Variants in DOCK7 observed in about 807,000 individuals in gnomAD.
DOCK7 encodes the protein dedicator of cytokinesis 7, also known as dedicator of cytokinesis protein 7.
A neutral mutation model predicts 271.0 loss-of-function variants in DOCK7; 138 were observed. That is an observed-to-expected ratio of 0.51 (90% CI 0.44 to 0.59). DOCK7 has a LOEUF of 0.59. Ranked by LOEUF, DOCK7 falls within the 20% of genes least tolerant of loss-of-function variation. The pLI is 0.00. For synonymous variants in DOCK7, 823 were observed against 876.1 expected (o/e 0.94, Z 1.07); for missense variants, 2,066 against 2,592.4 (o/e 0.80, Z 4.41).
intron 43 of DOCK7, 139 bp downstream of exon 43, chr1:62,487,259 A>G (rs902573369): frequency 1.3e-5 from 10 of 766,564 alleles, no homozygotes; most frequent in Non-Finnish European, 2.1e-5. Flanking sequence ...TTTTAACAAA[A>G]TTTCTTTGGT....
intron 7 of DOCK7, among the ~76,000 whole-genome samples, chr1:62,636,880 G>A (rs1655340721): frequency 6.6e-6 from 1 of 152,058 alleles, no homozygotes. Flanking sequence ...TCCATTCTGA[G>A]GCACTAATCA....
At chr1:62,629,379 AAC>A (rs1466749280) in intron 11 of DOCK7, 26 of 152,364 alleles carry the variant, frequency 1.7e-4, no homozygotes, top group African/African-American at 6.0e-4. Context: ...ATATCAATAC[AAC>A]AGACTATCAT....
chr1:62,563,247 G>C (rs1156300283), intron 18 of DOCK7, among the ~76,000 whole-genome samples: 1 of 152,116 alleles, frequency 6.6e-6, no homozygotes, highest in Non-Finnish European at 1.5e-5. Context: ...ACCTCTACCT[G>C]ACAGCAGCAC....
intron 31 of DOCK7, among the ~76,000 whole-genome samples, chr1:62,521,359 T>C (rs1644845106): frequency 6.6e-6 from 1 of 152,072 alleles, no homozygotes; most frequent in Non-Finnish European, 1.5e-5. Context: ...TGAAAATTAG[T>C]GAGTTAAGCA....
chr1:62,637,013 A>G (rs1046124312), intron 7 of DOCK7, among the ~76,000 whole-genome samples: 2 of 152,176 alleles, frequency 1.3e-5, no homozygotes, highest in Non-Finnish European at 2.9e-5. Flanking sequence ...ATCTTAGAAA[A>G]CACATGAATA....
intron 1 of DOCK7, 30 bp downstream of exon 1, chr1:62,688,197 G>A: frequency 7.3e-7 from 1 of 1,366,886 alleles, no homozygotes; most frequent in South Asian, 1.7e-5. Context: ...TCGGGCGGCG[G>A]CGGCGGCGCG....
At chr1:62,557,010 C>T (rs536100378) in intron 20 of DOCK7, among the ~76,000 whole-genome samples, 2 of 152,054 alleles carry the variant, frequency 1.3e-5, no homozygotes, top group East Asian at 1.9e-4. Context: ...TTGCCTTCTA[C>T]CTCACAGAAG....
intron 41 of DOCK7, among the ~76,000 whole-genome samples, chr1:62,490,323 T>G (rs1175509646): frequency 1.3e-5 from 2 of 152,056 alleles, no homozygotes; most frequent in African/African-American, 4.8e-5. Context: ...CCTCCCACCT[T>G]GCACAGTAAT....
chr1:62,517,225 A>C (rs1300595349), intron 31 of DOCK7, among the ~76,000 whole-genome samples: 2 of 152,160 alleles, frequency 1.3e-5, no homozygotes, highest in Non-Finnish European at 2.9e-5. Context: ...TATTACCATT[A>C]TGGCATGTTC....
chr1:62,582,065 C>T (rs970069424), intron 16 of DOCK7, among the ~76,000 whole-genome samples: 6 of 151,954 alleles, frequency 3.9e-5, no homozygotes, highest in African/African-American at 4.8e-5. Flanking sequence ...GCCATCACTC[C>T]CCTTGAAACA....
chr1:62,669,495 T>C (rs7547012), intron 1 of DOCK7, among the ~76,000 whole-genome samples: 1,923 of 152,342 alleles, frequency 0.013, 58 homozygotes, highest in African/African-American at 0.043. Context: ...TGGGGTATTC[T>C]ATGCTGTCTC....
chr1:62,557,134 A>G (rs1316989640), intron 20 of DOCK7, among the ~76,000 whole-genome samples: 2 of 149,740 alleles, frequency 1.3e-5, no homozygotes, highest in African/African-American at 2.5e-5. Context: ...TCCTAGCTTC[A>G]GGCAGTCCTC....
At chr1:62,540,232 GGCATGATCACA>G (rs754263563) in intron 25 of DOCK7, among the ~76,000 whole-genome samples, 3 of 151,402 alleles carry the variant, frequency 2.0e-5, no homozygotes, top group East Asian at 3.9e-4. Context: ...GGAGTACAGT[GGCATGATCACA>G]GCTCACTGCA....
chr1:62,560,701 T>G (rs1447416609), intron 19 of DOCK7, among the ~76,000 whole-genome samples: 4 of 152,188 alleles, frequency 2.6e-5, no homozygotes, highest in Non-Finnish European at 5.9e-5. Flanking sequence ...TACTTGCTAC[T>G]CATCATCTGA....
At chr1:62,523,857 ACT>A (rs1370894824) in intron 31 of DOCK7, among the ~76,000 whole-genome samples, 2 of 152,060 alleles carry the variant, frequency 1.3e-5, no homozygotes, top group Admixed American at 1.3e-4. Flanking sequence ...ACAGAGCAAG[ACT>A]CTGTCTCCAA....
chr1:62,553,141 T>C (rs1645970760), intron 21 of DOCK7, among the ~76,000 whole-genome samples: 1 of 143,334 alleles, frequency 7.0e-6, no homozygotes. Flanking sequence ...TTCAAGCAAT[T>C]CTCCTGCCTC....
At chr1:62,671,871 T>A (rs1174023291) in intron 1 of DOCK7, among the ~76,000 whole-genome samples, 1 of 151,968 alleles carries the variant, frequency 6.6e-6, no homozygotes, top group Non-Finnish European at 1.5e-5. Context: ...CTTTAGCATA[T>A]CTGCAAAGGG....
intron 48 of DOCK7, among the ~76,000 whole-genome samples, chr1:62,464,088 C>T (rs1571184399): frequency 1.3e-5 from 2 of 152,122 alleles, no homozygotes; most frequent in East Asian, 3.9e-4. Flanking sequence ...GAGCCGGAGT[C>T]TCGCTCTGTC....
chr1:62,495,161 G>A (rs1174117487), intron 39 of DOCK7: 2 of 152,574 alleles, frequency 1.3e-5, no homozygotes, highest in African/African-American at 4.8e-5. Flanking sequence ...TGTTAAATGT[G>A]TGTTATGAAT....
Sources: gnomAD v4.1 joint callset for allele counts (sites outside exome capture counted in the v4.1 genomes callset) on GRCh38, gnomAD v4.1.1 for gene constraint, MANE v1.5 for transcripts, NCBI Gene and HGNC (gene_info 2026-07-23, HGNC 2026-07-21) for gene names.